KCTD12: variants seen among roughly 807,000 people sequenced by gnomAD.
The protein encoded by KCTD12 is potassium channel tetramerization domain containing 12.
Under a neutral mutation model 22.6 loss-of-function variants are expected in KCTD12, and 16 were observed. That is an observed-to-expected ratio of 0.71 (90% CI 0.48 to 1.07). The LOEUF (loss-of-function observed/expected upper bound fraction) is 1.07. Ranked by LOEUF, KCTD12 falls within the 50% of genes least tolerant of loss-of-function variation. KCTD12 has a pLI of 0.00. For synonymous variants in KCTD12, 260 were observed against 228.0 expected (o/e 1.14, Z -1.26); for missense variants, 452 against 469.2 (o/e 0.96, Z 0.34).
Position 76,885,721 on chromosome 13 carries a change from C to G in KCTD12, c.428G>C (p.Arg143Pro), listed in dbSNP as rs938793138. The change falls in exon 1 of 1, where the codon CGG becomes CCG. Residue 143 changes from arginine (R) to proline (P), a missense_variant. This residue lies in a region of KCTD12 where 330 missense variants were observed against 296.5 expected (regional missense o/e 1.11). Coordinates refer to ENST00000377474, the MANE Select transcript of KCTD12 (RefSeq NM_138444.4). The surrounding 1 kb of genome is among the most constrained non-coding windows in gnomAD (Gnocchi z 5.1). ...QQPGPGPPPS[R>P]RGVHKEGSLG... ...CGAGCCCTCCTTGTGCACCCCGCGC[C>G]GCGAGGGCGGCGGCCCCGGGCCGGG... 2.1e-5 allele frequency: 30 copies of G among 1,406,068 alleles called. No homozygotes were observed. The highest frequency in any genetic ancestry group is 2.7e-5 in the Non-Finnish European group (30 of 1,094,064). 87.1% of individuals were successfully genotyped at this position (1,406,068 alleles called of 1,614,324 possible).
In KCTD12 at chr13:76,885,771, C is replaced by T. The variant is rs1366426517; in HGVS notation, c.378G>A (p.Val126=). The part of the protein sequence containing the change: ...EAEYFELPEL[V]RRLGAPQQPG... ...GCTGCTGGGGCGCCCCGAGGCGGCG[C>T]ACGAGCTCTGGCAGCTCGAAGTACT... Residue 126 remains valine, a synonymous_variant, in exon 1 of 1, where the codon GTG becomes GTA. Coordinates refer to ENST00000377474, the MANE Select transcript of KCTD12 (RefSeq NM_138444.4). The surrounding 1 kb of genome is among the most constrained non-coding windows in gnomAD (Gnocchi z 5.1). 2 of 1,550,238 alleles carry T rather than the reference C, an allele frequency of 1.3e-6. No homozygotes were observed. Among genetic ancestry groups the T allele is most frequent in the Non-Finnish European group, 1.7e-6 (2 of 1,159,044 alleles).
chr13:76,880,458 A>C lies in KCTD12; in HGVS notation c.*4713T>G, dbSNP rs1159939101. 6.6e-6 allele frequency: 1 copy of C among 152,206 alleles called. No individual in the cohort carries two copies. The highest frequency in any genetic ancestry group is 1.5e-5 in the Non-Finnish European group (1 of 68,016). The allele number at this position is 152,206 out of a possible 1,614,324, so 9.4% of individuals were successfully genotyped here. ...ATTAGAAAAATCTGATAATCTTATA[A>C]GATTTTTTCTGCTCTTCTTACATTT... On this transcript the variant is annotated 3_prime_UTR_variant, in exon 1 of 1. Transcript: ENST00000377474.
In KCTD12 at chr13:76,884,055, T is replaced by C. The variant is rs2033232560; in HGVS notation, c.*1116A>G. On this transcript the variant is annotated 3_prime_UTR_variant, in exon 1 of 1. Coordinates refer to ENST00000377474, the MANE Select transcript of KCTD12 (RefSeq NM_138444.4). ...GCATGTTTGCATTTACTATATGATATTTTTTAAATGTGCATATACTCAAAC... is the reference window on the plus strand; with the variant it reads ...GCATGTTTGCATTTACTATATGATACTTTTTAAATGTGCATATACTCAAAC... 1 of 152,550 alleles carries C rather than the reference T, an allele frequency of 6.6e-6. No individual in the cohort carries two copies. Among genetic ancestry groups the C allele is most frequent in the Non-Finnish European group, 1.5e-5 (1 of 68,034 alleles). 9.4% of individuals were successfully genotyped at this position (152,550 alleles called of 1,614,324 possible). A position where few individuals can be genotyped will look rare whatever the true frequency, so the allele number is the denominator to read the frequency against.
Position 76,885,777 on chromosome 13 carries a change from C to T in KCTD12, c.372G>A (p.Glu124=). 1 of 1,573,716 alleles carries T rather than the reference C, an allele frequency of 6.4e-7. No homozygotes were observed. The highest frequency in any genetic ancestry group is 1.1e-5 in the South Asian group (1 of 87,592). ...QREAEYFELP[E]LVRRLGAPQQ... ...GGGGCGCCCCGAGGCGGCGCACGAG[C>T]TCTGGCAGCTCGAAGTACTCGGCCT... Residue 124 remains glutamate (E), a synonymous_variant, in exon 1 of 1, where the codon GAG becomes GAA. Transcript: ENST00000377474. The surrounding 1 kb of genome is among the most constrained non-coding windows in gnomAD (Gnocchi z 5.1).
Position 76,885,744 on chromosome 13 carries a change from G to T in KCTD12, c.405C>A (p.Pro135=). Residue 135 remains proline (P), a synonymous_variant, in exon 1 of 1, where the codon CCC becomes CCA. Coordinates refer to ENST00000377474, the MANE Select transcript of KCTD12 (RefSeq NM_138444.4). The surrounding 1 kb of genome is among the most constrained non-coding windows in gnomAD (Gnocchi z 5.1). ...GCCGCGAGGGCGGCGGCCCCGGGCC[G>T]GGCTGCTGGGGCGCCCCGAGGCGGC... The part of the protein sequence containing the change: ...LVRRLGAPQQ[P]GPGPPPSRRG... 6.9e-7 allele frequency: 1 copy of T among 1,453,322 alleles called. No homozygotes were observed. Among genetic ancestry groups the T allele is most frequent in the Non-Finnish European group, 9.0e-7 (1 of 1,115,164 alleles). The allele number at this position is 1,453,322 out of a possible 1,614,324, so 90.0% of individuals were successfully genotyped here. A position where few individuals can be genotyped will look rare whatever the true frequency, so the allele number is the denominator to read the frequency against.
Position 76,886,273 on chromosome 13 carries a change from G to GCCGCCGCCGCCGCCA in KCTD12, c.-126_-125insTGGCGGCGGCGGCGG. On this transcript the variant is annotated 5_prime_UTR_variant, in exon 1 of 1. Coordinates refer to ENST00000377474, the MANE Select transcript of KCTD12 (RefSeq NM_138444.4). Reference sequence around the variant, plus strand: ...AGCCCTGCGCCCCGCCGCCGCCGCCGCCGCCACCGCCGCCACCGCCACCGC... The same window carrying GCCGCCGCCGCCGCCA: ...AGCCCTGCGCCCCGCCGCCGCCGCCGCCGCCGCCGCCGCCACCGCCACCGCCGCCACCGCCACCGC... 9.3e-7 allele frequency: 1 copy of GCCGCCGCCGCCGCCA among 1,069,598 alleles called. No homozygotes were observed. Among genetic ancestry groups the GCCGCCGCCGCCGCCA allele is most frequent in the Non-Finnish European group, 1.2e-6 (1 of 829,532 alleles). 66.3% of individuals were successfully genotyped at this position (1,069,598 alleles called of 1,614,324 possible).
chr13:76,885,628 G>A lies in KCTD12; in HGVS notation c.521C>T (p.Ala174Val). ...PEQQEGASAG[A>V]PSPTLELASR... is the part of the protein sequence containing the mutation. ...AGCCAGCTCCAGCGTGGGCGACGGC[G>A]CCCCGGCAGAGGCGCCCTCCTGCTG... Residue 174 changes from alanine to valine, a missense_variant, in exon 1 of 1, where the codon GCG (alanine) becomes GTG (valine). Physicochemically the swap from Ala to Val is moderately conservative, Grantham distance 64. Around this residue, in one of 2 missense-constraint regions of KCTD12, gnomAD observed 330 missense variants for 296.5 expected, o/e 1.11. Transcript: ENST00000377474. The surrounding 1 kb of genome is among the most constrained non-coding windows in gnomAD (Gnocchi z 5.1). The A allele has an allele frequency of 6.7e-7, 1 of 1,496,070 alleles. No homozygotes were observed. Among genetic ancestry groups the A allele is most frequent in the Non-Finnish European group, 8.8e-7 (1 of 1,134,614 alleles). The allele number at this position is 1,496,070 out of a possible 1,614,324, so 92.7% of individuals were successfully genotyped here. A position where few individuals can be genotyped will look rare whatever the true frequency, so the allele number is the denominator to read the frequency against.
rs1010608177 is a variant in KCTD12, at chr13:76,884,771, C to T, written c.*400G>A. ...TTGAGAAGATTTCAAGGAAATCTTC[C>T]GCACATTGGACACGGTCCAATCAGG... On this transcript the variant is annotated 3_prime_UTR_variant, in exon 1 of 1. Transcript: ENST00000377474. 5.4e-6 allele frequency: 1 copy of T among 185,726 alleles called. No homozygotes were observed. The highest frequency in any genetic ancestry group is 2.4e-5 in the African/African-American group (1 of 42,476). 11.5% of individuals were successfully genotyped at this position (185,726 alleles called of 1,614,324 possible).
In KCTD12 at chr13:76,885,633, G is replaced by A; in HGVS notation, c.516C>T (p.Ala172=). 6.7e-7 allele frequency: 1 copy of A among 1,495,140 alleles called. No homozygotes were observed. The highest frequency in any genetic ancestry group is 2.3e-5 in the Admixed American group (1 of 42,674). 92.6% of individuals were successfully genotyped at this position (1,495,140 alleles called of 1,614,324 possible). The part of the protein sequence containing the change: ...SEPEQQEGAS[A]GAPSPTLELA... Reference sequence around the variant, plus strand: ...GCTCCAGCGTGGGCGACGGCGCCCCGGCAGAGGCGCCCTCCTGCTGTTCGG... The same window carrying A: ...GCTCCAGCGTGGGCGACGGCGCCCCAGCAGAGGCGCCCTCCTGCTGTTCGG... Residue 172 remains alanine (A), a synonymous_variant, in exon 1 of 1, where the codon GCC becomes GCT. Transcript: ENST00000377474. The surrounding 1 kb of genome is among the most constrained non-coding windows in gnomAD (Gnocchi z 5.1).
At position 76,885,147 on chromosome 13, in the gene KCTD12, G is replaced by C; in HGVS notation, c.*24C>G. ...CGGGCAGGAGAAGGACTGGGCGCTG[G>C]AGTGGCGAGGGGGTCTGGGGAGCTC... is the stretch of plus-strand genomic sequence containing the variant. On this transcript the variant is annotated 3_prime_UTR_variant, in exon 1 of 1. Coordinates refer to ENST00000377474, the MANE Select transcript of KCTD12 (RefSeq NM_138444.4). The surrounding 1 kb of genome is among the most constrained non-coding windows in gnomAD (Gnocchi z 5.1). 6.2e-7 allele frequency: 1 copy of C among 1,601,028 alleles called. No homozygotes were observed. Among genetic ancestry groups the C allele is most frequent in the Middle Eastern group, 1.7e-4 (1 of 5,918 alleles).
Position 76,886,216 on chromosome 13 carries a change from T to C in KCTD12, c.-68A>G. ...CTGCACTCAGGAGCTGCAACCGCCT[T>C]CCCCGGAGCCCCGGAACCCGGACGC... On this transcript the variant is annotated 5_prime_UTR_variant, in exon 1 of 1. Coordinates refer to ENST00000377474, the MANE Select transcript of KCTD12 (RefSeq NM_138444.4). 1.5e-6 allele frequency: 2 copies of C among 1,377,788 alleles called. No individual in the cohort carries two copies. Among genetic ancestry groups the C allele is most frequent in the East Asian group, 6.1e-5 (2 of 32,856 alleles). The allele number at this position is 1,377,788 out of a possible 1,614,324, so 85.3% of individuals were successfully genotyped here.
In KCTD12 at chr13:76,886,168, CG is replaced by C. The variant is rs1768561010; in HGVS notation, c.-21del. The stretch of plus-strand genomic sequence containing the variant: ...AGCCATGACAGAGAGGTGGCCGGGC[CG>C]GGACAGTGGCAGGAAGCCGCGCTGC... On this transcript the variant is annotated 5_prime_UTR_variant, in exon 1 of 1. Transcript: ENST00000377474. The C allele has an allele frequency of 6.9e-7, 1 of 1,457,408 alleles. No homozygotes were observed. Among genetic ancestry groups the C allele is most frequent in the Non-Finnish European group, 9.0e-7 (1 of 1,107,554 alleles). 90.3% of individuals were successfully genotyped at this position (1,457,408 alleles called of 1,614,324 possible).
Position 76,883,197 on chromosome 13 carries a change from A to C in KCTD12, c.*1974T>G, listed in dbSNP as rs779760930. On this transcript the variant is annotated 3_prime_UTR_variant, in exon 1 of 1. Transcript: ENST00000377474. ...TGTAAAATGTTTATATATGGTATAT[A>C]CAGCTTGGATCACATGAGTCTAAGA... 6.6e-6 allele frequency: 1 copy of C among 152,246 alleles called. No homozygotes were observed. Among genetic ancestry groups the C allele is most frequent in the Non-Finnish European group, 1.5e-5 (1 of 68,040 alleles). The allele number at this position is 152,246 out of a possible 1,614,324, so 9.4% of individuals were successfully genotyped here.
rs2033233013 is a variant in KCTD12, at chr13:76,884,091, A to C, written c.*1080T>G. On this transcript the variant is annotated 3_prime_UTR_variant, in exon 1 of 1. Transcript: ENST00000377474. ...TGCATATACTCAAACAGATGGTACA[A>C]ACTTCCAACTTTCAAATCATAAATG... The C allele has an allele frequency of 6.6e-6, 1 of 152,274 alleles. No homozygotes were observed. Among genetic ancestry groups the C allele is most frequent in the Admixed American group, 6.5e-5 (1 of 15,274 alleles). 9.4% of individuals were successfully genotyped at this position (152,274 alleles called of 1,614,324 possible).
At position 76,884,485 on chromosome 13, in the gene KCTD12, T is replaced by G. The variant is rs2033238865; in HGVS notation, c.*686A>C. 6.6e-6 allele frequency: 1 copy of G among 152,178 alleles called. No individual in the cohort carries two copies. Among genetic ancestry groups the G allele is most frequent in the Non-Finnish European group, 1.5e-5 (1 of 68,036 alleles). 9.4% of individuals were successfully genotyped at this position (152,178 alleles called of 1,614,324 possible). On this transcript the variant is annotated 3_prime_UTR_variant, in exon 1 of 1. Coordinates refer to ENST00000377474, the MANE Select transcript of KCTD12 (RefSeq NM_138444.4). Reference sequence around the variant, plus strand: ...AGTTTAAGCTACAGGCTGAGACCTTTTATTCTGTACGAGAAAGGATCCTTT... The same window carrying G: ...AGTTTAAGCTACAGGCTGAGACCTTGTATTCTGTACGAGAAAGGATCCTTT...
chr13:76,883,725 G>T lies in KCTD12; in HGVS notation c.*1446C>A, dbSNP rs1473770109. The T allele has an allele frequency of 6.6e-6, 1 of 152,616 alleles. No homozygotes were observed. Among genetic ancestry groups the T allele is most frequent in the African/African-American group, 2.4e-5 (1 of 41,444 alleles). 9.5% of individuals were successfully genotyped at this position (152,616 alleles called of 1,614,324 possible). On this transcript the variant is annotated 3_prime_UTR_variant, in exon 1 of 1. Transcript: ENST00000377474. ...AACTTCAAACAAACTGCATGAAAGT[G>T]GCATTTTCAGGTTTTCAGGTTTGCC... is the stretch of plus-strand genomic sequence containing the variant.
Position 76,885,407 on chromosome 13 carries a change from C to A in KCTD12, c.742G>T (p.Val248Leu). The change falls in exon 1 of 1, where the codon GTG becomes TTG. Residue 248 changes from valine to leucine, a missense_variant. Transcript: ENST00000377474. This position sits in a 1 kb window ranked among gnomAD's most constrained non-coding sequence, Gnocchi z 5.1. ...CTTTCGTTCAGGGTGTCCCCAAACA[C>A]CTCCTTGGCCAGCGACGTCTTTCCG... ...VCGKTSLAKE[V>L]FGDTLNESRD... 1 of 1,613,604 alleles carries A rather than the reference C, an allele frequency of 6.2e-7. No homozygotes were observed. The highest frequency in any genetic ancestry group is 8.5e-7 in the Non-Finnish European group (1 of 1,180,014).
chr13:76,885,856 T>C lies in KCTD12; in HGVS notation c.293A>G (p.Asp98Gly). Residue 98 changes from aspartate to glycine, a missense_variant, in exon 1 of 1, where the codon GAC becomes GGC. By Grantham distance (94) the Asp-to-Gly change is moderately conservative (BLOSUM62 -1). Coordinates refer to ENST00000377474, the MANE Select transcript of KCTD12 (RefSeq NM_138444.4). This position sits in a 1 kb window ranked among gnomAD's most constrained non-coding sequence, Gnocchi z 5.1. ...GTAGTCGGGCAGCACGAGCTGCAAG[T>C]CCCGCAGGTAATCCAGGATGTAGCG... is the stretch of plus-strand genomic sequence containing the variant. ...LFRYILDYLR[D>G]LQLVLPDYFP... The C allele has an allele frequency of 6.3e-7, 1 of 1,596,650 alleles. No individual in the cohort carries two copies. The highest frequency in any genetic ancestry group is 8.5e-7 in the Non-Finnish European group (1 of 1,179,258).
chr13:76,884,884 G>A lies in KCTD12; in HGVS notation c.*287C>T, dbSNP rs2033243867. The A allele has an allele frequency of 4.9e-6, 2 of 405,608 alleles. No homozygotes were observed. The highest frequency in any genetic ancestry group is 7.2e-5 in the South Asian group (2 of 27,616). 25.1% of individuals were successfully genotyped at this position (405,608 alleles called of 1,614,324 possible). A position where few individuals can be genotyped will look rare whatever the true frequency, so the allele number is the denominator to read the frequency against. On this transcript the variant is annotated 3_prime_UTR_variant, in exon 1 of 1. Coordinates refer to ENST00000377474, the MANE Select transcript of KCTD12 (RefSeq NM_138444.4). ...GTACCATCTGGGGGAGGGGTGGTTT[G>A]AGGCAGGGAGTAGAGAAAGCATGGA...
Sources: allele counts gnomAD v4.1 joint callset, GRCh38; gene constraint gnomAD v4.1.1; regional missense constraint gnomAD v4.1.1; non-coding constraint Gnocchi (gnomAD v3.1); transcripts MANE v1.5; gene names NCBI Gene and HGNC (gene_info 2026-07-23, HGNC 2026-07-21).